Variants in RBFOX1 observed in about 807,000 individuals in gnomAD.
RBFOX1 encodes RNA binding fox-1 homolog 1.
RBFOX1 carries 8 observed loss-of-function variants against 57.7 expected under a neutral mutation model. That is an observed-to-expected ratio of 0.14 (90% CI 0.08 to 0.25). The LOEUF (loss-of-function observed/expected upper bound fraction) is 0.25. RBFOX1 is among the 10% of genes least tolerant of loss of function. The pLI, the probability that RBFOX1 is intolerant of heterozygous loss-of-function variation, is 1.00. For synonymous variants in RBFOX1, 326 were observed against 222.4 expected (o/e 1.47, Z -4.15); for missense variants, 611 against 548.5 (o/e 1.11, Z -1.14).
At chr16:5,868,410 T>C (rs2151898578) in intron 4 of RBFOX1, among the ~76,000 whole-genome samples, 1 of 152,350 alleles carries the variant, frequency 6.6e-6, no homozygotes, top group African/African-American at 2.4e-5. Flanking sequence ...AACTGTGGGT[T>C]TTCGCTTTCC....
chr16:6,881,924 C>A (rs1448582608), intron 3 of RBFOX1, among the ~76,000 whole-genome samples: 1 of 152,022 alleles, frequency 6.6e-6, no homozygotes, highest in Admixed American at 6.6e-5. Flanking sequence ...GATGTAGGCT[C>A]CTGCTGGCTA....
At chr16:6,967,847 C>G (rs530936918) in intron 3 of RBFOX1, among the ~76,000 whole-genome samples, 2 of 152,274 alleles carry the variant, frequency 1.3e-5, no homozygotes, top group South Asian at 2.1e-4. Flanking sequence ...AGCAACCAGA[C>G]ATACTTCCTG....
chr16:6,991,174 G>A (rs113714771), intron 3 of RBFOX1, among the ~76,000 whole-genome samples: 2 of 148,678 alleles, frequency 1.3e-5, no homozygotes, highest in African/African-American at 2.5e-5. Flanking sequence ...ACACGGTGGC[G>A]TGTACCTTTA....
rs184914499 is a variant in RBFOX1, at chr16:6,496,988, C to G, written c.-63-157615C>G. ...GAAAAAAAGACAAAAAGAAAATGCA[C>G]TAAGTATAGTATCTGCCAAGTACTA... On this transcript the variant is annotated intron_variant, in intron 2 of 15. Transcript: ENST00000550418. 1.1e-4 allele frequency among the ~76,000 whole-genome samples: 16 copies of G among 152,170 alleles called. No homozygotes were observed. The South Asian group carries it at 1.7e-3, about 16-fold the overall frequency.
In RBFOX1 at chr16:5,464,308, T is replaced by C. The variant is rs140555034; in HGVS notation, c.220-2908T>C. Among the ~76,000 whole-genome samples the C allele has an allele frequency of 2.4e-3, 365 of 152,312 alleles. 1 individual carries two copies. The highest frequency in any genetic ancestry group is 8.2e-3 in the African/African-American group (339 of 41,570). ...AGTGGGGTAGACATTGGGGTCCAGA[T>C]GCCATGGTGAATGATTCTCTTGGAG... On this transcript the variant is annotated intron_variant, in intron 1 of 2. Coordinates refer to the RBFOX1 transcript ENST00000585867.
intron 4 of RBFOX1, among the ~76,000 whole-genome samples, chr16:7,500,095 C>T (rs1225995453): frequency 1.3e-5 from 2 of 152,182 alleles, no homozygotes; most frequent in Non-Finnish European, 1.5e-5. Flanking sequence ...ATCAGGCAGA[C>T]GTCCTTAAAA....
At chr16:7,532,757 T>G (rs1452066359) in intron 5 of RBFOX1, among the ~76,000 whole-genome samples, 5 of 152,238 alleles carry the variant, frequency 3.3e-5, no homozygotes, top group Non-Finnish European at 4.4e-5. Flanking sequence ...CTGGTTCACA[T>G]ATTGCCTATG....
intron 4 of RBFOX1, among the ~76,000 whole-genome samples, chr16:7,160,068 A>G (rs1288228308): frequency 1.3e-5 from 2 of 152,182 alleles, no homozygotes; most frequent in South Asian, 2.1e-4. Context: ...GTAAATATTC[A>G]AGGGACTCAT....
intron 4 of RBFOX1, among the ~76,000 whole-genome samples, chr16:7,312,952 T>G (rs1319810529): frequency 6.6e-6 from 1 of 152,018 alleles, no homozygotes; most frequent in Non-Finnish European, 1.5e-5. Flanking sequence ...GGCACTGATG[T>G]CTGGGAGGGT....
intron 9 of RBFOX1, among the ~76,000 whole-genome samples, chr16:7,602,561 T>C (rs2095086052): frequency 6.6e-6 from 1 of 152,200 alleles, no homozygotes; most frequent in African/African-American, 2.4e-5. Flanking sequence ...TTCCTGACAG[T>C]GCAGGCTCTT....
intron 4 of RBFOX1, among the ~76,000 whole-genome samples, chr16:5,986,618 A>G (rs758060754): frequency 6.6e-6 from 1 of 152,198 alleles, no homozygotes. Flanking sequence ...AAAATGTTAT[A>G]TACATAGAAT....
chr16:5,574,320 C>A (rs755003507), intron 2 of RBFOX1, among the ~76,000 whole-genome samples: 1 of 152,248 alleles, frequency 6.6e-6, no homozygotes, highest in Admixed American at 6.5e-5. Flanking sequence ...CTGTCTGTAG[C>A]CTCCTAACTC....
chr16:7,658,761 G>T (rs749473389), intron 12 of RBFOX1, among the ~76,000 whole-genome samples: 22 of 152,166 alleles, frequency 1.4e-4, no homozygotes, highest in Non-Finnish European at 2.9e-4. Context: ...GTCTTGCTCT[G>T]TCACCCAGGC....
intron 2 of RBFOX1, among the ~76,000 whole-genome samples, chr16:6,428,684 G>A (rs959376261): frequency 3.9e-5 from 6 of 152,206 alleles, no homozygotes; most frequent in Non-Finnish European, 8.8e-5. Flanking sequence ...AGCAGCTCAC[G>A]TCCTGAAATC....
chr16:6,778,684 C>A (rs574083556), intron 3 of RBFOX1, among the ~76,000 whole-genome samples: 9 of 151,718 alleles, frequency 5.9e-5, no homozygotes, highest in African/African-American at 2.2e-4. Context: ...ATTTTACTCT[C>A]TTTTTTCTTA....
intron 2 of RBFOX1, among the ~76,000 whole-genome samples, chr16:6,394,080 A>G (rs114920543): frequency 0.027 from 4,106 of 152,270 alleles, 182 homozygotes; most frequent in African/African-American, 0.092. Context: ...GACATCCATG[A>G]CTGTGCATCT....
At chr16:5,585,766 C>G (rs999889267) in intron 2 of RBFOX1, among the ~76,000 whole-genome samples, 67 of 152,194 alleles carry the variant, frequency 4.4e-4, no homozygotes, top group Non-Finnish European at 8.8e-5. Flanking sequence ...TGGCCATCAC[C>G]TGGGTGGATT....
intron 1 of RBFOX1, among the ~76,000 whole-genome samples, chr16:6,143,755 C>T (rs150570247): frequency 2.6e-5 from 4 of 152,136 alleles, no homozygotes; most frequent in African/African-American, 9.6e-5. Context: ...AAGTAGAAGA[C>T]TACCTGTGCA....
intron 2 of RBFOX1, among the ~76,000 whole-genome samples, chr16:6,407,567 G>GTGTGTGTGTGTGTC (rs67151505): frequency 0.035 from 5,101 of 144,982 alleles, 209 homozygotes; most frequent in African/African-American, 0.074. Flanking sequence ...GTGTGTGTGT[G>GTGTGTGTGTGTGTC]ACAGAGAGAG....
Sources: gnomAD v4.1 joint callset for allele counts (sites outside exome capture counted in the v4.1 genomes callset) on GRCh38, gnomAD v4.1.1 for gene constraint, MANE v1.5 for transcripts, NCBI Gene and HGNC (gene_info 2026-07-23, HGNC 2026-07-21) for gene names.